The following PDE5A variants were observed in gnomAD, a reference collection of about 807,000 sequenced individuals.
PDE5A encodes phosphodiesterase 5A.
In PDE5A, 67 loss-of-function variants were observed where a neutral mutation model predicts 110.2. The observed-to-expected ratio is 0.61, with a 90% confidence interval of 0.50 to 0.75. The LOEUF is 0.75. Ranked by LOEUF, PDE5A falls within the 30% of genes least tolerant of loss-of-function variation. The probability of loss-of-function intolerance (pLI) is 0.00; values close to 1 mark genes in which losing one functional copy is unlikely to be tolerated. For missense variants in PDE5A, 862 were observed against 1,045.1 expected, an observed-to-expected ratio of 0.82 and a Z score of 2.42; for synonymous variants, 328 against 351.2, an observed-to-expected ratio of 0.93 and a Z score of 0.74.
At position 119,496,309 on chromosome 4, in the gene PDE5A, A is replaced by G. The variant is rs199958943; in HGVS notation, c.*2292T>C. 6.6e-6 allele frequency: 1 copy of G among 152,170 alleles called. No individual in the cohort carries two copies. The highest frequency in any genetic ancestry group is 2.1e-4 in the South Asian group (1 of 4,832). The allele number at this position is 152,170 out of a possible 1,614,324, so 9.4% of individuals were successfully genotyped here. ...TTTTCCAACTTGAGAAGATACTAGA[A>G]AGGAAATTAAAAATTATTTGAACCA... On this transcript the variant is annotated 3_prime_UTR_variant, in exon 21 of 21. Transcript: ENST00000354960.
chr4:119,499,171 T>C (rs1212482715), intron 20 of PDE5A, among the ~76,000 whole-genome samples: 2 of 152,178 alleles, frequency 1.3e-5, no homozygotes, highest in Non-Finnish European at 2.9e-5. Context: ...TAATAAAGAT[T>C]CATAATTTGG....
chr4:119,605,583 G>A (rs1049805888), intron 2 of PDE5A, among the ~76,000 whole-genome samples: 1 of 151,940 alleles, frequency 6.6e-6, no homozygotes, highest in African/African-American at 2.4e-5. Context: ...GGAGGCAAAG[G>A]TTGCAGTGAG....
At chr4:119,507,340 C>A (rs976951472) in intron 16 of PDE5A, among the ~76,000 whole-genome samples, 1 of 151,744 alleles carries the variant, frequency 6.6e-6, no homozygotes, top group African/African-American at 2.4e-5. Flanking sequence ...GAATGACTGA[C>A]CTTGAGATGG....
At chr4:119,508,879 C>A (rs1249839091) in intron 15 of PDE5A, among the ~76,000 whole-genome samples, 1 of 151,762 alleles carries the variant, frequency 6.6e-6, no homozygotes, top group East Asian at 1.9e-4. Flanking sequence ...TAATTTGAGC[C>A]AGCCATATAG....
intron 5 of PDE5A, 59 bp from the exon 6 acceptor site, chr4:119,563,029 A>G (rs1727801126): frequency 8.6e-6 from 12 of 1,390,042 alleles, no homozygotes; most frequent in Non-Finnish European, 1.1e-5. Context: ...TTAAAGCACA[A>G]TTATTTATAT....
intron 2 of PDE5A, 46 bp from the exon 3 acceptor site, chr4:119,596,658 G>T: frequency 9.5e-7 from 1 of 1,056,640 alleles, no homozygotes. Context: ...CCTGTTCAAA[G>T]ATTGATTTGA....
chr4:119,575,542 A>G (rs1373441556), intron 3 of PDE5A, among the ~76,000 whole-genome samples: 1 of 152,174 alleles, frequency 6.6e-6, no homozygotes, highest in Non-Finnish European at 1.5e-5. Context: ...CAACATTCTT[A>G]AAGAAAAGAA....
chr4:119,567,024 G>A (rs1188583125), intron 4 of PDE5A, 49 bp downstream of exon 4: 8 of 1,310,228 alleles, frequency 6.1e-6, no homozygotes, highest in East Asian at 2.3e-5. Flanking sequence ...ATACTATAAA[G>A]AGAAAGCATC....
chr4:119,569,505 A>AC (rs1728067393), intron 3 of PDE5A, among the ~76,000 whole-genome samples: 1 of 146,998 alleles, frequency 6.8e-6, no homozygotes, highest in Non-Finnish European at 1.5e-5. Context: ...ATAAAGAAAT[A>AC]TTAAAAAAAA....
rs527615772 is a variant in PDE5A, at chr4:119,530,706, A to C, written c.1633-5011T>G. ...TAGAATAGGGGTTAAATATTGAATG[A>C]ATAAATAAATGGGTTTTTAAATCAT... On this transcript the variant is annotated intron_variant, in intron 11 of 20. Transcript: ENST00000354960. Among the ~76,000 whole-genome samples, 176 of 152,252 alleles carry C rather than the reference A, an allele frequency of 1.2e-3. 2 individuals carry two copies. Among genetic ancestry groups the C allele is most frequent in the Admixed American group, 1.2e-3 (18 of 15,278 alleles).
intron 2 of PDE5A, among the ~76,000 whole-genome samples, chr4:119,600,508 G>A (rs1008948075): frequency 6.6e-6 from 1 of 151,994 alleles, no homozygotes; most frequent in African/African-American, 2.4e-5. Context: ...TGGGAAAAAA[G>A]AATGATTCTA....
At chr4:119,504,978 C>T (rs1383465251) in intron 17 of PDE5A, among the ~76,000 whole-genome samples, 1 of 151,992 alleles carries the variant, frequency 6.6e-6, no homozygotes, top group African/African-American at 2.4e-5. Context: ...TAAAGTACAA[C>T]ATCAGGTATC....
In PDE5A at chr4:119,617,404, G is replaced by A. The variant is rs746334337; in HGVS notation, c.153-10107C>T. Among the ~76,000 whole-genome samples, 9 of 152,192 alleles carry A rather than the reference G, an allele frequency of 5.9e-5. No individual in the cohort carries two copies. The South Asian group carries it at 8.3e-4, about 14-fold the overall frequency. On this transcript the variant is annotated intron_variant, in intron 1 of 20. Transcript: ENST00000354960. Reference sequence around the variant, plus strand: ...CACACGCACACACGTGTCTGTGTCCGAAGGGTCTCCCTGTGGCAATAACTT... The same window carrying A: ...CACACGCACACACGTGTCTGTGTCCAAAGGGTCTCCCTGTGGCAATAACTT...
intron 1 of PDE5A, among the ~76,000 whole-genome samples, chr4:119,615,718 C>T (rs79641732): frequency 1.3e-4 from 20 of 152,032 alleles, no homozygotes; most frequent in Non-Finnish European, 2.5e-4. Flanking sequence ...GCATCTGTAG[C>T]TTTTACCACA....
intron 1 of PDE5A, among the ~76,000 whole-genome samples, chr4:119,611,713 C>A (rs1729753789): frequency 2.0e-5 from 3 of 152,210 alleles, no homozygotes; most frequent in Admixed American, 2.0e-4. Context: ...GCAGATGTAG[C>A]ATATTCAGTC....
intron 12 of PDE5A, 138 bp from the exon 13 acceptor site, chr4:119,521,198 T>G: frequency 1.1e-6 from 1 of 893,870 alleles, no homozygotes; most frequent in East Asian, 2.7e-5. Context: ...AAACTGACAC[T>G]CAGAGAGGTA....
At chr4:119,531,406 G>A (rs1359759619) in intron 11 of PDE5A, among the ~76,000 whole-genome samples, 2 of 152,076 alleles carry the variant, frequency 1.3e-5, no homozygotes, top group Non-Finnish European at 2.9e-5. Flanking sequence ...AGCATCCTGA[G>A]TAGCTGCGAC....
chr4:119,506,978 T>C (rs565814230), intron 16 of PDE5A, among the ~76,000 whole-genome samples: 67 of 151,934 alleles, frequency 4.4e-4, no homozygotes, highest in Admixed American at 1.4e-3. Context: ...TTCCCACACA[T>C]GCGTCAAAGA....
At chr4:119,554,386 A>AT (rs1309423243) in intron 7 of PDE5A, among the ~76,000 whole-genome samples, 3 of 152,088 alleles carry the variant, frequency 2.0e-5, no homozygotes, top group Non-Finnish European at 4.4e-5. Flanking sequence ...AACTTACAAT[A>AT]TTTTTACCAG....
Sources: gnomAD v4.1 joint callset for allele counts (sites outside exome capture counted in the v4.1 genomes callset) on GRCh38, gnomAD v4.1.1 for gene constraint, MANE v1.5 for transcripts, NCBI Gene and HGNC (gene_info 2026-07-23, HGNC 2026-07-21) for gene names.